Variants in CDH12 observed in about 807,000 individuals in gnomAD.
CDH12 encodes cadherin-12.
Under a neutral mutation model 74.1 loss-of-function variants are expected in CDH12, and 41 were observed. That is an observed-to-expected ratio of 0.55 (90% confidence interval 0.43 to 0.72). The LOEUF (loss-of-function observed/expected upper bound fraction) is 0.72, where lower values mean the gene tolerates loss of function less well. Among genes scored for constraint, CDH12 ranks in the 30% least tolerant of loss-of-function variants. The probability of loss-of-function intolerance (pLI) is 0.00; values close to 1 mark genes in which losing one functional copy is unlikely to be tolerated. For missense variants in CDH12, 945 were observed against 977.2 expected (o/e 0.97, Z 0.44); for synonymous variants, 399 against 355.0 (o/e 1.12, Z -1.39).
intron 10 of CDH12, among the ~76,000 whole-genome samples, chr5:21,798,249 ATGTGTGTGTG>A (rs55704091): frequency 0.017 from 2,589 of 148,882 alleles, 68 homozygotes; most frequent in African/African-American, 0.054. Context: ...GTATATGTGG[ATGTGTGTGTG>A]TGTGTGTGTG....
At chr5:22,196,517 G>T (rs2150350954) in intron 4 of CDH12, among the ~76,000 whole-genome samples, 1 of 152,124 alleles carries the variant, frequency 6.6e-6, no homozygotes, top group Admixed American at 6.5e-5. Context: ...CTCCATTCCA[G>T]GTGACATCCT....
Position 22,642,844 on chromosome 5 carries a change from G to A in CDH12, c.-522-137480C>T, listed in dbSNP as rs554107076. On this transcript the variant is annotated intron_variant, in intron 1 of 14. Transcript: ENST00000382254. ...TATAGATAATAATTCTACATTGAAA[G>A]GGATAATTTAATGGTTACACGCAAT... is the stretch of plus-strand genomic sequence containing the variant. Among the ~76,000 whole-genome samples, 12 of 152,088 alleles carry A rather than the reference G, an allele frequency of 7.9e-5. No homozygotes were observed. The South Asian group carries it at 2.5e-3, about 32-fold the overall frequency.
chr5:22,416,847 T>A (rs1466443952), intron 2 of CDH12, among the ~76,000 whole-genome samples: 1 of 152,208 alleles, frequency 6.6e-6, no homozygotes, highest in African/African-American at 2.4e-5. Context: ...AAGACAGGAC[T>A]GTACGGTTTT....
intron 4 of CDH12, chr5:22,141,027 C>T (rs182421637): frequency 6.6e-6 from 1 of 152,286 alleles, no homozygotes; most frequent in African/African-American, 2.4e-5. Context: ...TAGTGGACAA[C>T]AAGGCACTTT....
chr5:22,183,001 CAA>C (rs1276383874), intron 4 of CDH12, among the ~76,000 whole-genome samples: 19 of 150,756 alleles, frequency 1.3e-4, no homozygotes, highest in Non-Finnish European at 2.5e-4. Context: ...ACATGGTGCT[CAA>C]AGAGAGAAGT....
chr5:22,283,294 AT>A, intron 3 of CDH12, among the ~76,000 whole-genome samples: 1 of 148,706 alleles, frequency 6.7e-6, no homozygotes, highest in African/African-American at 2.5e-5. Flanking sequence ...ACATATATAT[AT>A]AGCATTTACA....
chr5:22,778,722 T>C (rs2126338519), intron 1 of CDH12, among the ~76,000 whole-genome samples: 1 of 152,298 alleles, frequency 6.6e-6, no homozygotes, highest in Non-Finnish European at 1.5e-5. Flanking sequence ...TTAATCATTC[T>C]CTAGACAGCT....
At chr5:22,771,913 G>GAT (rs1365564922) in intron 1 of CDH12, among the ~76,000 whole-genome samples, 1 of 151,856 alleles carries the variant, frequency 6.6e-6, no homozygotes, top group Admixed American at 6.6e-5. Context: ...TTGTGTATAT[G>GAT]ATATATATAA....
chr5:22,407,947 C>T (rs551625045), intron 2 of CDH12, among the ~76,000 whole-genome samples: 37 of 152,110 alleles, frequency 2.4e-4, no homozygotes, highest in East Asian at 2.3e-3. Flanking sequence ...TAGAAATAGC[C>T]TATCGCCTTC....
At chr5:22,238,942 T>C (rs1301722351) in intron 3 of CDH12, among the ~76,000 whole-genome samples, 2 of 152,196 alleles carry the variant, frequency 1.3e-5, no homozygotes, top group Non-Finnish European at 2.9e-5. Context: ...TAACTACATA[T>C]TAAATCTAGA....
At chr5:22,811,091 G>A (rs918383029) in intron 1 of CDH12, among the ~76,000 whole-genome samples, 4 of 150,140 alleles carry the variant, frequency 2.7e-5, no homozygotes, top group South Asian at 2.1e-4. Flanking sequence ...ATATACACAC[G>A]TATATGTACA....
intron 6 of CDH12, among the ~76,000 whole-genome samples, chr5:21,928,152 G>A (rs1461061835): frequency 6.6e-6 from 1 of 152,040 alleles, no homozygotes; most frequent in Non-Finnish European, 1.5e-5. Context: ...CTATGACTAT[G>A]ATCATCTGCC....
At chr5:22,740,346 C>T (rs912368272) in intron 1 of CDH12, among the ~76,000 whole-genome samples, 7 of 151,638 alleles carry the variant, frequency 4.6e-5, no homozygotes, top group African/African-American at 1.2e-4. Context: ...CCTACATGAT[C>T]GAGAAATTGT....
chr5:22,153,901 TATACACACAC>T (rs1747812242), intron 4 of CDH12, among the ~76,000 whole-genome samples: 1 of 54,560 alleles, frequency 1.8e-5, no homozygotes, highest in Non-Finnish European at 4.1e-5. Context: ...TATATATATA[TATACACACAC>T]ATACACACAC....
At chr5:21,828,322 A>G (rs1748798136) in intron 8 of CDH12, among the ~76,000 whole-genome samples, 2 of 152,128 alleles carry the variant, frequency 1.3e-5, no homozygotes, top group Non-Finnish European at 2.9e-5. Flanking sequence ...GGGTTTCACC[A>G]TATTGGTCAG....
At chr5:22,712,557 C>T (rs149428547) in intron 1 of CDH12, among the ~76,000 whole-genome samples, 94 of 152,158 alleles carry the variant, frequency 6.2e-4, no homozygotes, top group African/African-American at 2.2e-3. Context: ...TTCCTCATTA[C>T]TCCTACTTTA....
chr5:22,338,401 A>C (rs1043124392), intron 3 of CDH12, among the ~76,000 whole-genome samples: 14 of 152,132 alleles, frequency 9.2e-5, no homozygotes, highest in Non-Finnish European at 1.8e-4. Flanking sequence ...GAAAGATAAT[A>C]GAAGGATGAC....
At position 22,266,242 on chromosome 5, in the gene CDH12, AT is replaced by A. The variant is rs1015480852; in HGVS notation, c.-332-53600del. ...AGGCACTCACCACCACGACCGGCTA[AT>A]TTTTGTATTTTTAGTAGAGACGGGG... On this transcript the variant is annotated intron_variant, in intron 3 of 14. Transcript: ENST00000382254. Among the ~76,000 whole-genome samples the A allele has an allele frequency of 1.2e-4, 18 of 151,708 alleles. 1 individual carries two copies. The highest frequency in any genetic ancestry group is 7.9e-4 in the Admixed American group (12 of 15,192).
intron 2 of CDH12, among the ~76,000 whole-genome samples, chr5:22,503,614 A>T (rs189644307): frequency 6.6e-6 from 1 of 152,258 alleles, no homozygotes; most frequent in Non-Finnish European, 1.5e-5. Flanking sequence ...CACTCTAATT[A>T]AAAACAAATG....
Sources: gnomAD v4.1 joint callset for allele counts (sites outside exome capture counted in the v4.1 genomes callset) on GRCh38, gnomAD v4.1.1 for gene constraint, MANE v1.5 for transcripts, NCBI Gene and HGNC (gene_info 2026-07-23, HGNC 2026-07-21) for gene names.